Variants in SPAG16 observed in about 807,000 individuals in gnomAD.
SPAG16 encodes the protein sperm associated antigen 16.
A neutral mutation model predicts 80.4 loss-of-function variants in SPAG16; 86 were observed. The ratio of observed to expected loss-of-function variants is 1.07; its 90% CI spans 0.90 to 1.28. SPAG16 has a LOEUF of 1.28. Ranked by LOEUF, SPAG16 falls within the 50% of genes most tolerant of loss-of-function variation. SPAG16 has a pLI of 0.00. For missense variants in SPAG16, 870 were observed against 765.3 expected (o/e 1.14, Z -1.61); for synonymous variants, 294 against 265.9 (o/e 1.11, Z -1.03).
intron 9 of SPAG16, among the ~76,000 whole-genome samples, chr2:213,395,338 TTGTAA>T (rs1370389757): frequency 1.2e-4 from 18 of 152,340 alleles, no homozygotes; most frequent in African/African-American, 3.6e-4. Flanking sequence ...CTTTTTAATC[TTGTAA>T]TGTAAGAATA....
At chr2:213,362,687 T>C (rs2066050421) in intron 7 of SPAG16, among the ~76,000 whole-genome samples, 1 of 152,146 alleles carries the variant, frequency 6.6e-6, no homozygotes. Flanking sequence ...TTCTGTAAAA[T>C]ACTGTCAGAC....
At chr2:214,179,064 A>G (rs1340088686) in intron 15 of SPAG16, among the ~76,000 whole-genome samples, 1 of 151,416 alleles carries the variant, frequency 6.6e-6, no homozygotes, top group Non-Finnish European at 1.5e-5. Flanking sequence ...CCAAACTCTA[A>G]TCACTTCTCT....
At chr2:213,982,610 G>GGTGTGTGTGTGTGTGTGT (rs57529616) in intron 12 of SPAG16, among the ~76,000 whole-genome samples, 22 of 141,858 alleles carry the variant, frequency 1.6e-4, no homozygotes, top group Non-Finnish European at 2.6e-4. Flanking sequence ...TATAGTTTCT[G>GGTGTGTGTGTGTGTGTGT]GTGTGTGTGT....
chr2:213,630,739 A>C (rs2062119204), intron 10 of SPAG16, among the ~76,000 whole-genome samples: 1 of 152,208 alleles, frequency 6.6e-6, no homozygotes, highest in African/African-American at 2.4e-5. Context: ...GTAGTAAGGT[A>C]GTAAGGGCAG....
In SPAG16 at chr2:214,339,980, A is replaced by G. The variant is rs542035288; in HGVS notation, c.1721-70160A>G. Among the ~76,000 whole-genome samples, 3 of 152,332 alleles carry G rather than the reference A, an allele frequency of 2.0e-5. No individual in the cohort carries two copies. In the South Asian group the frequency reaches 6.2e-4, roughly 32 times the overall value. On this transcript the variant is annotated intron_variant, in intron 15 of 15. Coordinates refer to ENST00000331683, the MANE Select transcript of SPAG16 (RefSeq NM_024532.5). ...CCTAAGCAAAGAATCCATCTATGCC[A>G]TGATGGACTCCTGACCCACAGAAAC...
At chr2:214,100,184 C>T (rs1267296348) in intron 13 of SPAG16, among the ~76,000 whole-genome samples, 2 of 151,898 alleles carry the variant, frequency 1.3e-5, no homozygotes, top group Non-Finnish European at 2.9e-5. Flanking sequence ...GTAAGACATG[C>T]CTGCTTCCCC....
intron 1 of SPAG16, among the ~76,000 whole-genome samples, chr2:213,293,596 C>T (rs1280645927): frequency 1.3e-5 from 2 of 152,164 alleles, no homozygotes; most frequent in Non-Finnish European, 2.9e-5. Context: ...GAAACTAGTA[C>T]ATTGTCAGTG....
chr2:213,981,747 A>G (rs2045757549), intron 12 of SPAG16, among the ~76,000 whole-genome samples: 1 of 152,018 alleles, frequency 6.6e-6, no homozygotes, highest in Non-Finnish European at 1.5e-5. Flanking sequence ...ATACAAAGCC[A>G]CTGATATATT....
At chr2:213,886,862 A>T (rs4673773) in intron 11 of SPAG16, among the ~76,000 whole-genome samples, 1 of 151,270 alleles carries the variant, frequency 6.6e-6, no homozygotes. Context: ...AATTAGAACA[A>T]TGGACACTAT....
intron 9 of SPAG16, among the ~76,000 whole-genome samples, chr2:213,437,367 A>C (rs78194306): frequency 0.06 from 9,138 of 152,206 alleles, 911 homozygotes; most frequent in African/African-American, 0.21. Flanking sequence ...CCATTTTTGA[A>C]AATAACTTTT....
chr2:213,982,682 C>T (rs188680003), intron 12 of SPAG16, among the ~76,000 whole-genome samples: 6 of 146,534 alleles, frequency 4.1e-5, no homozygotes, highest in East Asian at 2.1e-4. Flanking sequence ...TGACATACTA[C>T]GGTATATTTG....
chr2:213,729,524 C>A (rs2066933181), intron 10 of SPAG16, among the ~76,000 whole-genome samples: 1 of 152,172 alleles, frequency 6.6e-6, no homozygotes, highest in Non-Finnish European at 1.5e-5. Context: ...TGAATGTCAG[C>A]CATCAAGGAG....
chr2:214,067,737 G>A lies in SPAG16; in HGVS notation c.1528-40459G>A, dbSNP rs193260726. On this transcript the variant is annotated intron_variant, in intron 13 of 15. Coordinates refer to ENST00000331683, the MANE Select transcript of SPAG16 (RefSeq NM_024532.5). ...GGTCTTTTCAAGATGGTCCTTGCCA[G>A]GATTTTGTTGAAATATTATTTTCAT... 5.9e-5 allele frequency among the ~76,000 whole-genome samples: 9 copies of A among 152,148 alleles called. No individual in the cohort carries two copies. The East Asian group carries it at 1.7e-3, about 29-fold the overall frequency.
intron 9 of SPAG16, among the ~76,000 whole-genome samples, chr2:213,453,463 C>A (rs2071820312): frequency 6.6e-6 from 1 of 152,140 alleles, no homozygotes; most frequent in Non-Finnish European, 1.5e-5. Flanking sequence ...TATTCAAAAG[C>A]AAAACATGAG....
At chr2:214,260,328 A>T (rs1691047279) in intron 15 of SPAG16, among the ~76,000 whole-genome samples, 1 of 152,134 alleles carries the variant, frequency 6.6e-6, no homozygotes, top group Non-Finnish European at 1.5e-5. Flanking sequence ...TGATAATTTT[A>T]AAAAGAGCTC....
rs553501121 is a variant in SPAG16 at position 213,959,300 on chromosome 2, C to T, written c.1400+29155C>T. Among the ~76,000 whole-genome samples, 21 of 152,324 alleles carry T rather than the reference C, an allele frequency of 1.4e-4. No individual in the cohort carries two copies. In the South Asian group the frequency reaches 4.3e-3, roughly 32 times the overall value. ...GTGTTTATATTCCTGTCTTTCACTA[C>T]ATGTGGTGTCATAAATTTGTGTAAT... On this transcript the variant is annotated intron_variant, in intron 12 of 15. Transcript: ENST00000331683.
intron 15 of SPAG16, among the ~76,000 whole-genome samples, chr2:214,388,092 T>C (rs1467102780): frequency 6.6e-6 from 1 of 152,132 alleles, no homozygotes; most frequent in Non-Finnish European, 1.5e-5. Context: ...ATTTTTCCTG[T>C]TGGAGAGATT....
chr2:213,750,488 C>A (rs2068029835), intron 10 of SPAG16, among the ~76,000 whole-genome samples: 2 of 152,002 alleles, frequency 1.3e-5, no homozygotes, highest in Admixed American at 1.3e-4. Flanking sequence ...TATTTTATTA[C>A]AATATAGTTT....
At chr2:214,258,760 A>C (rs1690907472) in intron 15 of SPAG16, among the ~76,000 whole-genome samples, 1 of 151,840 alleles carries the variant, frequency 6.6e-6, no homozygotes, top group African/African-American at 2.4e-5. Flanking sequence ...TTATATTAGT[A>C]TATCTTCAGC....
Sources: allele counts gnomAD v4.1 joint callset (sites outside exome capture counted in the v4.1 genomes callset), GRCh38; gene constraint gnomAD v4.1.1; transcripts MANE v1.5; gene names NCBI Gene and HGNC (gene_info 2026-07-23, HGNC 2026-07-21).